BSDC1: variants seen among roughly 807,000 people sequenced by gnomAD.
BSDC1 encodes BSD domain-containing protein 1.
BSDC1 carries 29 observed loss-of-function variants against 56.0 expected under a neutral mutation model. That is an observed-to-expected ratio of 0.52 (90% CI 0.39 to 0.71). The LOEUF (loss-of-function observed/expected upper bound fraction) is 0.71, where lower values mean the gene tolerates loss of function less well. Among genes scored for constraint, BSDC1 ranks in the 30% least tolerant of loss-of-function variants. The pLI is 0.00. For missense variants in BSDC1, 477 were observed against 548.5 expected, an observed-to-expected ratio of 0.87 and a Z score of 1.30; for synonymous variants, 210 against 215.3, an observed-to-expected ratio of 0.98 and a Z score of 0.21.
At chr1:32,368,630 C>G in intron 9 of BSDC1, 80 bp from the exon 10 acceptor site, 1 of 1,585,406 alleles carries the variant, frequency 6.3e-7, no homozygotes, top group Admixed American at 1.7e-5. Context: ...GGGGAGATAG[C>G]ATGCTTCAAA....
chr1:32,385,535 T>C (rs958481500), intron 3 of BSDC1, among the ~76,000 whole-genome samples: 5 of 152,150 alleles, frequency 3.3e-5, no homozygotes, highest in Admixed American at 6.5e-5. Context: ...GAGACCAGCC[T>C]GGGCAACAGA....
At position 32,384,219 on chromosome 1, in the gene BSDC1, CAG is replaced by C. The variant is rs1205051539; in HGVS notation, c.190-224_190-223del. Among the ~76,000 whole-genome samples the C allele has an allele frequency of 4.6e-5, 7 of 151,312 alleles. No individual in the cohort carries two copies. In the East Asian group the frequency reaches 1.4e-3, roughly 30 times the overall value. ...AGGGCCATGGTAGGCCTGTGTAGATCAGAGATCTTTGATTGGCTGTTTCATCA... is the reference window on the plus strand; with the variant it reads ...AGGGCCATGGTAGGCCTGTGTAGATCAGATCTTTGATTGGCTGTTTCATCA... On this transcript the variant is annotated intron_variant, in intron 3 of 10. Transcript: ENST00000455895.
At chr1:32,388,444 C>A (rs144328362) in intron 2 of BSDC1, among the ~76,000 whole-genome samples, 6 of 152,320 alleles carry the variant, frequency 3.9e-5, no homozygotes, top group Admixed American at 3.9e-4. Flanking sequence ...TCTATCCACA[C>A]TGCCACCATC....
At position 32,368,532 on chromosome 1, in the gene BSDC1, C is replaced by A. The variant is rs763203954; in HGVS notation, c.1175G>T (p.Ser392Ile). ...NGKKGSSTDISEDWEKDFDLD... is the reference protein window; with the variant it reads ...NGKKGSSTDIIEDWEKDFDLD... ...GTCAAAGTCTTTCTCCCAGTCCTCA[C>A]TGATGTCCGTGCTTGAGCCTGGAAC... Residue 392 changes from serine to isoleucine, a missense_variant, in exon 10 of 11, where the codon AGT becomes ATT. Physicochemically the swap from Ser to Ile is moderately radical, Grantham distance 142. Transcript: ENST00000455895. 6.2e-6 allele frequency: 10 copies of A among 1,614,158 alleles called. No homozygotes were observed. The highest frequency in any genetic ancestry group is 8.5e-6 in the Non-Finnish European group (10 of 1,180,026).
chr1:32,387,378 G>A (rs1011631470), intron 2 of BSDC1, among the ~76,000 whole-genome samples: 7 of 149,552 alleles, frequency 4.7e-5, no homozygotes, highest in African/African-American at 7.4e-5. Context: ...TCTCGCTCTC[G>A]TTGCCCAGGC....
intron 2 of BSDC1, among the ~76,000 whole-genome samples, chr1:32,390,498 G>A (rs969248004): frequency 9.9e-5 from 15 of 152,222 alleles, no homozygotes; most frequent in African/African-American, 3.4e-4. Context: ...CCAGCTAAGT[G>A]AGAAAATCCT....
intron 9 of BSDC1, among the ~76,000 whole-genome samples, chr1:32,372,587 T>C (rs16834966): frequency 0.056 from 8,567 of 152,130 alleles, 772 homozygotes; most frequent in African/African-American, 0.2. Context: ...TGAAGCTGGG[T>C]TCTCTCTGCC....
intron 2 of BSDC1, among the ~76,000 whole-genome samples, chr1:32,389,106 C>T (rs1355965025): frequency 6.6e-6 from 1 of 152,130 alleles, no homozygotes; most frequent in African/African-American, 2.4e-5. Context: ...AGGCGCCCGC[C>T]ACCAAGCCCA....
chr1:32,367,629 T>C (rs902063910), intron 10 of BSDC1: 2 of 985,502 alleles, frequency 2.0e-6, no homozygotes, highest in South Asian at 4.7e-5. Context: ...CTGTCACTTA[T>C]TAGCTGGGAG....
rs1451566368 is a variant in BSDC1 at position 32,366,509 on chromosome 1, T to G, written c.*113A>C. On this transcript the variant is annotated 3_prime_UTR_variant, in exon 11 of 11. Coordinates refer to ENST00000455895, the MANE Select transcript of BSDC1 (RefSeq NM_018045.8). ...AGCCACCAGAATCTGTGCCCAGAGC[T>G]CTGGTTGGCAGAGGAGATTTGGGGG... 9.5e-7 allele frequency: 1 copy of G among 1,051,188 alleles called. No homozygotes were observed. The highest frequency in any genetic ancestry group is 1.6e-5 in the African/African-American group (1 of 63,460). The allele number at this position is 1,051,188 out of a possible 1,614,324, so 65.1% of individuals were successfully genotyped here.
intron 2 of BSDC1, 140 bp from the exon 3 acceptor site, chr1:32,387,035 T>C (rs1390627596): frequency 7.5e-6 from 5 of 662,922 alleles, no homozygotes; most frequent in Non-Finnish European, 1.3e-5. Context: ...CAATGCTCAT[T>C]TGTCCCAATT....
chr1:32,384,085 A>T, intron 3 of BSDC1, 88 bp from the exon 4 acceptor site: 1 of 1,584,172 alleles, frequency 6.3e-7, no homozygotes, highest in Non-Finnish European at 8.6e-7. Context: ...GCAAAGGTGT[A>T]CCGTGTGTTG....
At chr1:32,371,724 C>T (rs901364237) in intron 9 of BSDC1, among the ~76,000 whole-genome samples, 1 of 151,980 alleles carries the variant, frequency 6.6e-6, no homozygotes, top group African/African-American at 2.4e-5. Flanking sequence ...CAGATGCCTC[C>T]GCGCTGAGAC....
intron 3 of BSDC1, among the ~76,000 whole-genome samples, chr1:32,385,491 C>G (rs1642631637): frequency 1.3e-5 from 2 of 151,848 alleles, no homozygotes; most frequent in Non-Finnish European, 2.9e-5. Flanking sequence ...CTTTGGGAGG[C>G]CGAAGCAGGT....
chr1:32,369,939 C>T (rs1642010676), intron 9 of BSDC1, among the ~76,000 whole-genome samples: 1 of 151,970 alleles, frequency 6.6e-6, no homozygotes, highest in Admixed American at 6.6e-5. Context: ...ATTACAGGCA[C>T]CTGCCTGGTA....
intron 2 of BSDC1, among the ~76,000 whole-genome samples, chr1:32,390,423 G>A (rs563380318): frequency 6.6e-6 from 1 of 152,314 alleles, no homozygotes; most frequent in South Asian, 2.1e-4. Context: ...TTGACTGAGG[G>A]CTAGAAAAGA....
chr1:32,376,515 T>A lies in BSDC1; in HGVS notation c.903A>T (p.Leu301=). ...GCAGCTTTTGGGACAGGTCCTTGGG[T>A]AGCACTCGTGCCTCAGGTGCAGTGG... ...NPATAPEARV[L]PKDLSQKLLE... Residue 301 remains leucine, a synonymous_variant, in exon 9 of 11, where the codon CTA becomes CTT. Transcript: ENST00000455895. The A allele has an allele frequency of 6.3e-7, 1 of 1,595,290 alleles. No individual in the cohort carries two copies. The highest frequency in any genetic ancestry group is 8.6e-7 in the Non-Finnish European group (1 of 1,167,150).
At chr1:32,385,107 CA>C (rs1642620128) in intron 3 of BSDC1, among the ~76,000 whole-genome samples, 1 of 152,166 alleles carries the variant, frequency 6.6e-6, no homozygotes, top group South Asian at 2.1e-4. Flanking sequence ...TAAGAAGCTG[CA>C]ATCTGTTCCA....
At chr1:32,368,807 T>A (rs2148108122) in intron 9 of BSDC1, among the ~76,000 whole-genome samples, 1 of 152,208 alleles carries the variant, frequency 6.6e-6, no homozygotes, top group South Asian at 2.1e-4. Context: ...CAAGCGATTC[T>A]CCTGCCTCAG....
Sources: allele counts gnomAD v4.1 joint callset (sites outside exome capture counted in the v4.1 genomes callset), GRCh38; gene constraint gnomAD v4.1.1; transcripts MANE v1.5; gene names NCBI Gene and HGNC (gene_info 2026-07-23, HGNC 2026-07-21).